The following CLNK variants were observed in gnomAD, a reference collection of about 807,000 sequenced individuals.
CLNK encodes the protein cytokine dependent hematopoietic cell linker.
A neutral mutation model predicts 68.6 loss-of-function variants in CLNK; 74 were observed. The observed-to-expected ratio is 1.08, with a 90% CI of 0.89 to 1.31. CLNK has a LOEUF of 1.31. Among genes scored for constraint, CLNK ranks in the 50% most tolerant of loss-of-function variants. The probability of loss-of-function intolerance (pLI) is 0.00; values close to 1 mark genes in which losing one functional copy is unlikely to be tolerated. For synonymous variants in CLNK, 198 were observed against 172.2 expected (o/e 1.15, Z -1.17); for missense variants, 553 against 515.3 (o/e 1.07, Z -0.71).
chr4:10,599,468 T>C (rs1337716479), intron 2 of CLNK, among the ~76,000 whole-genome samples: 1 of 152,270 alleles, frequency 6.6e-6, no homozygotes, highest in Non-Finnish European at 1.5e-5. Flanking sequence ...ATTATTGTAC[T>C]ATTTCACATA....
chr4:10,534,008 T>G (rs1718650460), intron 11 of CLNK, among the ~76,000 whole-genome samples: 1 of 152,208 alleles, frequency 6.6e-6, no homozygotes, highest in African/African-American at 2.4e-5. Context: ...TTTCAAATAT[T>G]TAAGGAGATT....
the CLNK span, among the ~76,000 whole-genome samples, chr4:10,722,100 G>T: frequency 6.6e-6 from 1 of 152,156 alleles, no homozygotes; most frequent in South Asian, 2.1e-4. Context: ...TTTGAGTCCC[G>T]GAAATGGAGG....
Position 10,592,189 on chromosome 4 carries a change from G to GT in CLNK, c.83+5788dup, listed in dbSNP as rs1231064970. 4.6e-5 allele frequency among the ~76,000 whole-genome samples: 7 copies of GT among 152,228 alleles called. No homozygotes were observed. In the East Asian group the frequency reaches 7.7e-4, roughly 17 times the overall value. ...TCTCATATTGTAAAACCTTACTTGA[G>GT]TTTTTTTCCTTTCCTCAATTAGACT... On this transcript the variant is annotated intron_variant, in intron 3 of 18. Transcript: ENST00000226951.
the CLNK span, among the ~76,000 whole-genome samples, chr4:10,693,185 G>C: frequency 2.0e-5 from 3 of 152,182 alleles, no homozygotes; most frequent in Admixed American, 6.5e-5. Context: ...GGATTCTTAG[G>C]TGTAAAAGCA....
chr4:10,647,912 T>G (rs1370454703), intron 2 of CLNK, among the ~76,000 whole-genome samples: 2 of 152,192 alleles, frequency 1.3e-5, no homozygotes, highest in African/African-American at 4.8e-5. Context: ...GATTCTGAAT[T>G]GAAACCGGGA....
chr4:10,717,983 C>G, the CLNK span, among the ~76,000 whole-genome samples: 2 of 151,954 alleles, frequency 1.3e-5, no homozygotes, highest in East Asian at 3.9e-4. Flanking sequence ...AAATAAGAGT[C>G]TTAGCAAAAA....
intron 8 of CLNK, among the ~76,000 whole-genome samples, chr4:10,556,453 A>C (rs1470553043): frequency 6.6e-6 from 1 of 152,222 alleles, no homozygotes; most frequent in Non-Finnish European, 1.5e-5. Context: ...GGGTAGATAA[A>C]CATACAGATA....
At chr4:10,707,715 T>C in the CLNK span, among the ~76,000 whole-genome samples, 1 of 152,216 alleles carries the variant, frequency 6.6e-6, no homozygotes, top group African/African-American at 2.4e-5. Flanking sequence ...AGTTTTTCCA[T>C]TAACAGTTCT....
chr4:10,693,290 T>C, the CLNK span, among the ~76,000 whole-genome samples: 1 of 152,162 alleles, frequency 6.6e-6, no homozygotes, highest in Non-Finnish European at 1.5e-5. Context: ...AATGTGACCT[T>C]ATTTGGAAAA....
intron 3 of CLNK, among the ~76,000 whole-genome samples, chr4:10,596,667 T>G (rs1433611981): frequency 2.0e-5 from 3 of 147,638 alleles, no homozygotes; most frequent in Admixed American, 6.8e-5. Context: ...GAGATTTGTA[T>G]GTCTATGTTT....
chr4:10,604,692 GC>G (rs1560238014), intron 2 of CLNK, among the ~76,000 whole-genome samples: 1 of 151,600 alleles, frequency 6.6e-6, no homozygotes, highest in Non-Finnish European at 1.5e-5. Context: ...TTAGGAGACT[GC>G]CCCCTGAAAA....
intron 15 of CLNK, among the ~76,000 whole-genome samples, chr4:10,516,084 G>A (rs1330630143): frequency 1.3e-5 from 2 of 151,392 alleles, no homozygotes; most frequent in East Asian, 3.9e-4. Context: ...TTGAAATTTA[G>A]AACACAAACA....
intron 14 of CLNK, 94 bp from the exon 15 acceptor site, chr4:10,520,925 A>C (rs1037779764): frequency 1.3e-5 from 11 of 879,898 alleles, no homozygotes; most frequent in Non-Finnish European, 2.0e-5. Context: ...AATAGCCTGA[A>C]GTCACAGTTA....
At chr4:10,612,532 A>T (rs1722071616) in intron 2 of CLNK, among the ~76,000 whole-genome samples, 1 of 152,234 alleles carries the variant, frequency 6.6e-6, no homozygotes, top group Admixed American at 6.5e-5. Flanking sequence ...ACAACAGTAA[A>T]CACCTGAATG....
intron 1 of CLNK, among the ~76,000 whole-genome samples, chr4:10,676,046 AGTGTGTGTGTGTGTGTGT>A (rs34091285): frequency 3.4e-5 from 5 of 148,714 alleles, no homozygotes; most frequent in Non-Finnish European, 6.0e-5. Flanking sequence ...GAGCCAGAAG[AGTGTGTGTGTGTGTGTGT>A]GTGTGTGTGT....
intron 2 of CLNK, among the ~76,000 whole-genome samples, chr4:10,614,244 G>A (rs1054470528): frequency 6.6e-6 from 1 of 152,206 alleles, no homozygotes; most frequent in Non-Finnish European, 1.5e-5. Context: ...CATCTTGTGT[G>A]TATGGTAACT....
the CLNK span, among the ~76,000 whole-genome samples, chr4:10,731,909 T>G: frequency 6.6e-6 from 1 of 152,186 alleles, no homozygotes; most frequent in Non-Finnish European, 1.5e-5. Flanking sequence ...TCCTAAAGGA[T>G]TAGCAACGGT....
intron 2 of CLNK, among the ~76,000 whole-genome samples, chr4:10,639,419 G>C (rs1010522699): frequency 6.6e-6 from 1 of 152,196 alleles, no homozygotes; most frequent in African/African-American, 2.4e-5. Context: ...TGCTGGGCTG[G>C]GTGAGAGGGG....
At chr4:10,576,404 A>T (rs1720566924) in intron 4 of CLNK, among the ~76,000 whole-genome samples, 1 of 152,206 alleles carries the variant, frequency 6.6e-6, no homozygotes, top group Non-Finnish European at 1.5e-5. Flanking sequence ...CAGACACCAG[A>T]CAGCTCCAGA....
Sources: allele counts gnomAD v4.1 joint callset (sites outside exome capture counted in the v4.1 genomes callset), GRCh38; gene constraint gnomAD v4.1.1; transcripts MANE v1.5; gene names NCBI Gene and HGNC (gene_info 2026-07-23, HGNC 2026-07-21).